Variants in PKP4 observed in about 807,000 individuals in gnomAD.
The protein encoded by PKP4 is plakophilin 4, also known as plakophilin-4.
A neutral mutation model predicts 145.1 loss-of-function variants in PKP4; 90 were observed. That is an observed-to-expected ratio of 0.62 (90% confidence interval 0.52 to 0.74). The LOEUF is 0.74. PKP4 is among the 30% of genes least tolerant of loss of function. The pLI is 0.00. For synonymous variants in PKP4, 563 were observed against 577.2 expected, an observed-to-expected ratio of 0.98 and a Z score of 0.35; for missense variants, 1,340 against 1,482.7, an observed-to-expected ratio of 0.90 and a Z score of 1.58.
chr2:158,468,297 A>C (rs936402883), intron 1 of PKP4, among the ~76,000 whole-genome samples: 4 of 152,218 alleles, frequency 2.6e-5, no homozygotes, highest in African/African-American at 9.6e-5. Flanking sequence ...TAAATTACAA[A>C]AACTTGTCTA....
intron 15 of PKP4, among the ~76,000 whole-genome samples, chr2:158,664,862 C>T (rs2056934312): frequency 1.3e-5 from 2 of 152,202 alleles, no homozygotes; most frequent in Admixed American, 6.5e-5. Context: ...GAGATACTCC[C>T]AGCACATAAG....
At chr2:158,662,866 G>C in intron 13 of PKP4, 31 bp from the exon 14 acceptor site, 1 of 1,567,378 alleles carries the variant, frequency 6.4e-7, no homozygotes, top group Middle Eastern at 2.3e-4. Flanking sequence ...GTGCCGAGTT[G>C]TTTTTAATTA....
At chr2:158,533,868 T>G (rs909958140) in intron 2 of PKP4, among the ~76,000 whole-genome samples, 1 of 152,214 alleles carries the variant, frequency 6.6e-6, no homozygotes, top group Non-Finnish European at 1.5e-5. Flanking sequence ...GCATTAATAC[T>G]CTTTATCCTT....
At chr2:158,618,937 T>A (rs887518412) in intron 4 of PKP4, among the ~76,000 whole-genome samples, 9 of 152,194 alleles carry the variant, frequency 5.9e-5, no homozygotes, top group African/African-American at 2.2e-4. Context: ...TATCTGAACA[T>A]CTTTTTCTTT....
intron 1 of PKP4, among the ~76,000 whole-genome samples, chr2:158,488,409 G>T (rs1694482948): frequency 6.6e-6 from 1 of 152,150 alleles, no homozygotes; most frequent in East Asian, 1.9e-4. Flanking sequence ...CAGAAATGGT[G>T]CCTTGCTAAA....
At chr2:158,675,346 T>C in intron 19 of PKP4, among the ~76,000 whole-genome samples, 1 of 152,174 alleles carries the variant, frequency 6.6e-6, no homozygotes, top group East Asian at 1.9e-4. Flanking sequence ...TCCTCAGTTA[T>C]TGTTAATGTT....
At position 158,577,268 on chromosome 2, in the gene PKP4, C is replaced by T. The variant is rs1225083029; in HGVS notation, c.133-3C>T. 2 of 1,603,914 alleles carry T rather than the reference C, an allele frequency of 1.2e-6. No individual in the cohort carries two copies. Among genetic ancestry groups the T allele is most frequent in the East Asian group, 4.5e-5 (2 of 44,796 alleles). On this transcript the variant is annotated splice_polypyrimidine_tract_variant and splice_region_variant and intron_variant, in intron 2 of 21. Coordinates refer to ENST00000389759, the MANE Select transcript of PKP4 (RefSeq NM_003628.6). ...ATATGCCTTTTATTTTCTTGAATCACAGGAGCTTCAGTTTCAGCGACTCAC... is the reference window on the plus strand; with the variant it reads ...ATATGCCTTTTATTTTCTTGAATCATAGGAGCTTCAGTTTCAGCGACTCAC...
chr2:158,513,948 C>A (rs1006203204), intron 1 of PKP4, among the ~76,000 whole-genome samples: 1 of 152,186 alleles, frequency 6.6e-6, no homozygotes, highest in Non-Finnish European at 1.5e-5. Context: ...TCCCTGACGA[C>A]CCCGCTCTCC....
chr2:158,473,002 T>G (rs546748769), intron 1 of PKP4, among the ~76,000 whole-genome samples: 1 of 152,290 alleles, frequency 6.6e-6, no homozygotes, highest in Admixed American at 6.5e-5. Context: ...GCAAAGGACA[T>G]GAACAGACAC....
chr2:158,545,802 A>T (rs887791600), intron 2 of PKP4, among the ~76,000 whole-genome samples: 1 of 152,192 alleles, frequency 6.6e-6, no homozygotes, highest in Non-Finnish European at 1.5e-5. Flanking sequence ...AAATATTTTC[A>T]TAAATGCCAA....
At chr2:158,554,416 A>AATTATT in intron 2 of PKP4, among the ~76,000 whole-genome samples, 1 of 137,762 alleles carries the variant, frequency 7.3e-6, no homozygotes, top group African/African-American at 2.7e-5. Context: ...ACTCAGAAAT[A>AATTATT]ATTATTATTA....
rs762988893 is a variant in PKP4, at chr2:158,676,875, G to T, written c.3256+8G>T. 1.2e-6 allele frequency: 2 copies of T among 1,613,826 alleles called. No individual in the cohort carries two copies. Among genetic ancestry groups the T allele is most frequent in the East Asian group, 2.2e-5 (1 of 44,858 alleles). ...ATAAAGGCCTGTACCCTGGTAAGACGCCAGTTGGGTGTGTGATACAGTCTC... is the reference window on the plus strand; with the variant it reads ...ATAAAGGCCTGTACCCTGGTAAGACTCCAGTTGGGTGTGTGATACAGTCTC... On this transcript the variant is annotated splice_region_variant and intron_variant, in intron 20 of 21. Coordinates refer to ENST00000389759, the MANE Select transcript of PKP4 (RefSeq NM_003628.6).
chr2:158,536,967 T>C (rs1370366372), intron 2 of PKP4, among the ~76,000 whole-genome samples: 1 of 152,236 alleles, frequency 6.6e-6, no homozygotes, highest in Admixed American at 6.5e-5. Context: ...GTTTTAGGCC[T>C]TGTTTTATAC....
intron 1 of PKP4, among the ~76,000 whole-genome samples, chr2:158,516,200 A>C (rs550283443): frequency 6.6e-6 from 1 of 152,188 alleles, no homozygotes; most frequent in East Asian, 1.9e-4. Flanking sequence ...TATACAAAAC[A>C]CTGGGGATCT....
chr2:158,633,427 A>G (rs1260419635), intron 8 of PKP4, among the ~76,000 whole-genome samples: 2 of 152,254 alleles, frequency 1.3e-5, no homozygotes, highest in Non-Finnish European at 2.9e-5. Context: ...AGTAGCATCT[A>G]TAGCATGGGT....
At position 158,658,273 on chromosome 2, in the gene PKP4, T is replaced by A; in HGVS notation, c.2052T>A (p.Phe684Leu). 1.2e-6 allele frequency: 2 copies of A among 1,608,104 alleles called. No individual in the cohort carries two copies. Among genetic ancestry groups the A allele is most frequent in the Non-Finnish European group, 8.5e-7 (1 of 1,175,684 alleles). ...SSFDDDHKIK[F>L]QTSLVLRNTT... ...TTGATGATGATCATAAAATTAAATT[T>A]CAGACTTCACTAGTTCTGCGTAACA... is the stretch of plus-strand genomic sequence containing the variant. Residue 684 changes from phenylalanine (F) to leucine (L), a missense_variant, in exon 12 of 22, where the codon TTT becomes TTA. Phe to Leu is a conservative substitution (Grantham distance 22). Coordinates refer to ENST00000389759, the MANE Select transcript of PKP4 (RefSeq NM_003628.6).
chr2:158,572,507 G>A (rs7577672), intron 2 of PKP4, among the ~76,000 whole-genome samples: 80,453 of 152,030 alleles, frequency 0.53, 21,818 homozygotes, highest in East Asian at 0.79. Context: ...AGGTCATCTT[G>A]AACATGCTAT....
chr2:158,644,472 T>G (rs1429252111), intron 11 of PKP4, among the ~76,000 whole-genome samples: 1 of 152,094 alleles, frequency 6.6e-6, no homozygotes, highest in African/African-American at 2.4e-5. Context: ...TAATAATAAT[T>G]CAGGGAAAAT....
At chr2:158,585,979 G>A (rs1475135675) in intron 3 of PKP4, among the ~76,000 whole-genome samples, 1 of 150,698 alleles carries the variant, frequency 6.6e-6, no homozygotes, top group East Asian at 1.9e-4. Context: ...TGTATCTATG[G>A]ATTTGCCTAT....
Sources: gnomAD v4.1 joint callset for allele counts (sites outside exome capture counted in the v4.1 genomes callset) on GRCh38, gnomAD v4.1.1 for gene constraint, MANE v1.5 for transcripts, NCBI Gene and HGNC (gene_info 2026-07-23, HGNC 2026-07-21) for gene names.